DAB1: variants seen among roughly 807,000 people sequenced by gnomAD.
DAB1 encodes the protein DAB adaptor protein 1.
DAB1 carries 15 observed loss-of-function variants against 64.6 expected under a neutral mutation model. That is an observed-to-expected ratio of 0.23 (90% CI 0.16 to 0.36). The LOEUF is 0.36. DAB1 is among the 10% of genes least tolerant of loss of function. DAB1 has a pLI of 1.00. For missense variants in DAB1, 596 were observed against 706.7 expected (o/e 0.84, Z 1.78); for synonymous variants, 235 against 251.9 (o/e 0.93, Z 0.64).
chr1:57,757,571 C>T (rs1175476602), intron 6 of DAB1, among the ~76,000 whole-genome samples: 1 of 152,148 alleles, frequency 6.6e-6, no homozygotes, highest in Non-Finnish European at 1.5e-5. Flanking sequence ...ACATCATCCT[C>T]TGCTGTGCTA....
chr1:58,390,392 G>A (rs1244460450), intron 3 of DAB1, among the ~76,000 whole-genome samples: 1 of 152,180 alleles, frequency 6.6e-6, no homozygotes, highest in East Asian at 1.9e-4. Flanking sequence ...GGCTCTAGAA[G>A]GGAGGGGAAG....
intron 3 of DAB1, among the ~76,000 whole-genome samples, chr1:58,408,255 T>C (rs1337409492): frequency 6.6e-6 from 1 of 152,220 alleles, no homozygotes; most frequent in Non-Finnish European, 1.5e-5. Flanking sequence ...TCTCTTTGTC[T>C]GGATTATTCT....
intron 7 of DAB1, among the ~76,000 whole-genome samples, chr1:57,594,587 C>G (rs1645483514): frequency 6.6e-6 from 1 of 152,190 alleles, no homozygotes; most frequent in African/African-American, 2.4e-5. Context: ...AGCTGAAATT[C>G]TGAAACAGAA....
intron 4 of DAB1, among the ~76,000 whole-genome samples, chr1:58,323,693 C>G (rs11207195): frequency 6.6e-5 from 10 of 151,864 alleles, no homozygotes; most frequent in African/African-American, 2.4e-4. Flanking sequence ...GCTGAGGTGG[C>G]GGCGGGCAGA....
intron 3 of DAB1, among the ~76,000 whole-genome samples, chr1:58,426,191 G>T (rs992270820): frequency 6.6e-6 from 1 of 152,102 alleles, no homozygotes; most frequent in African/African-American, 2.4e-5. Context: ...CATACCTAGG[G>T]CCCCATGGTA....
upstream of DAB1, among the ~76,000 whole-genome samples, chr1:57,886,605 T>G (rs989807144): frequency 6.6e-6 from 1 of 152,222 alleles, no homozygotes; most frequent in Non-Finnish European, 1.5e-5. Context: ...AAGTCATAGC[T>G]GCTGCTGTTA....
At chr1:58,471,781 G>A (rs1478316664) in intron 3 of DAB1, among the ~76,000 whole-genome samples, 1 of 152,094 alleles carries the variant, frequency 6.6e-6, no homozygotes, top group Non-Finnish European at 1.5e-5. Context: ...GCCATCTGAG[G>A]TGCTTTGCTC....
chr1:57,442,363 A>AGAAAAGCAAGCCTTGGGAT (rs1685989174), intron 7 of DAB1, among the ~76,000 whole-genome samples: 1 of 152,234 alleles, frequency 6.6e-6, no homozygotes, highest in Non-Finnish European at 1.5e-5. Flanking sequence ...AGCTGTCTCT[A>AGAAAAGCAAGCCTTGGGAT]GAAAAGCAAG....
intron 7 of DAB1, among the ~76,000 whole-genome samples, chr1:57,543,499 T>C (rs984632607): frequency 3.3e-5 from 5 of 152,210 alleles, no homozygotes; most frequent in Non-Finnish European, 7.3e-5. Flanking sequence ...AAATTAAACA[T>C]TGTACCTGCC....
At chr1:58,323,799 C>A (rs1662754009) in intron 4 of DAB1, among the ~76,000 whole-genome samples, 1 of 151,830 alleles carries the variant, frequency 6.6e-6, no homozygotes, top group Non-Finnish European at 1.5e-5. Context: ...GCGGTGGGCG[C>A]CTGTAGTCCC....
Position 57,948,195 on chromosome 1 carries a change from A to G in DAB1, n.388-64033T>C, listed in dbSNP as rs553820944. ...ACTGAATTTAGCTTGTGAAAACAAT[A>G]ATGTGTTTGTTAAGTAAAAAGAAGA... On this transcript the variant is annotated intron_variant and non_coding_transcript_variant, in intron 5 of 20. Coordinates refer to the DAB1 transcript ENST00000485760. Among the ~76,000 whole-genome samples, 26 of 152,316 alleles carry G rather than the reference A, an allele frequency of 1.7e-4. No homozygotes were observed. In the East Asian group the frequency reaches 4.6e-3, roughly 27 times the overall value.
At chr1:57,604,641 C>T (rs997305416) in intron 7 of DAB1, among the ~76,000 whole-genome samples, 3 of 152,140 alleles carry the variant, frequency 2.0e-5, no homozygotes, top group Admixed American at 6.6e-5. Flanking sequence ...CTTGTGATGT[C>T]ACATTAGAGA....
At chr1:58,144,485 T>C (rs1006939938) in intron 5 of DAB1, among the ~76,000 whole-genome samples, 2 of 152,248 alleles carry the variant, frequency 1.3e-5, no homozygotes, top group African/African-American at 4.8e-5. Flanking sequence ...AAGATTTACA[T>C]AGAGCTTACA....
chr1:58,490,059 C>T (rs1645651466), intron 3 of DAB1, among the ~76,000 whole-genome samples: 2 of 152,206 alleles, frequency 1.3e-5, no homozygotes, highest in Non-Finnish European at 2.9e-5. Context: ...AGGAACACAG[C>T]TCGTCACCAG....
chr1:58,483,700 G>A (rs751272503), intron 3 of DAB1, among the ~76,000 whole-genome samples: 4 of 152,066 alleles, frequency 2.6e-5, no homozygotes, highest in Admixed American at 1.3e-4. Flanking sequence ...TCAGCTAAAC[G>A]GTGACCTACT....
intron 3 of DAB1, among the ~76,000 whole-genome samples, chr1:58,392,236 C>T (rs1410743699): frequency 1.3e-5 from 2 of 152,198 alleles, no homozygotes; most frequent in African/African-American, 2.4e-5. Flanking sequence ...CCAAAACAAG[C>T]TGAAGTCAGC....
Position 57,586,356 on chromosome 1 carries a change from G to A in DAB1, n.625+63236C>T, listed in dbSNP as rs1326464865. Among the ~76,000 whole-genome samples, 3 of 152,162 alleles carry A rather than the reference G, an allele frequency of 2.0e-5. 1 individual carries two copies. The highest frequency in any genetic ancestry group is 4.4e-5 in the Non-Finnish European group (3 of 68,020). On this transcript the variant is annotated intron_variant and non_coding_transcript_variant, in intron 7 of 20. Coordinates refer to the DAB1 transcript ENST00000485760. Reference sequence around the variant, plus strand: ...GATGCCCTCCACATGTGTCCCCACAGCTCTGCAATGTCTTTGTTTATTGGT... The same window carrying A: ...GATGCCCTCCACATGTGTCCCCACAACTCTGCAATGTCTTTGTTTATTGGT...
intron 2 of DAB1, 139 bp from the exon 3 acceptor site, chr1:57,145,568 A>T (rs996806658): frequency 1.3e-6 from 1 of 786,758 alleles, no homozygotes; most frequent in African/African-American, 1.7e-5. Flanking sequence ...AGAAAAGAAT[A>T]GCAGTATTCC....
chr1:57,530,367 G>C (rs1558465709), intron 7 of DAB1, among the ~76,000 whole-genome samples: 1 of 152,100 alleles, frequency 6.6e-6, no homozygotes, highest in African/African-American at 2.4e-5. Flanking sequence ...TAGGATCCAA[G>C]TTCCATATCA....
Sources: allele counts gnomAD v4.1 joint callset (sites outside exome capture counted in the v4.1 genomes callset), GRCh38; gene constraint gnomAD v4.1.1; transcripts MANE v1.5; gene names NCBI Gene and HGNC (gene_info 2026-07-23, HGNC 2026-07-21).